Variants in NUP98 observed in about 807,000 individuals in gnomAD.
The protein encoded by NUP98 is nucleoporin 98 and 96 precursor, also known as nuclear pore complex protein Nup98-Nup96.
NUP98 carries 26 observed loss-of-function variants against 191.9 expected under a neutral mutation model. The observed-to-expected ratio is 0.14, with a 90% CI of 0.10 to 0.19. NUP98 has a LOEUF of 0.19. Ranked by LOEUF, NUP98 falls within the 10% of genes least tolerant of loss-of-function variation. The pLI is 1.00. For missense variants in NUP98, 1,941 were observed against 2,178.8 expected, an observed-to-expected ratio of 0.89 and a Z score of 2.17; for synonymous variants, 808 against 778.4, an observed-to-expected ratio of 1.04 and a Z score of -0.63.
intron 18 of NUP98, among the ~76,000 whole-genome samples, chr11:3,716,338 A>AT (rs78559016): frequency 8.1e-4 from 118 of 145,438 alleles, no homozygotes; most frequent in Middle Eastern, 3.5e-3. Flanking sequence ...CGATCAAATA[A>AT]TTTTTTTTTT....
chr11:3,797,288 C>T, intron 1 of NUP98, 112 bp downstream of exon 1: 3 of 397,176 alleles, frequency 7.6e-6, no homozygotes, highest in African/African-American at 2.1e-5. Context: ...GTGCGCGCAG[C>T]GGCGCTAGAC....
chr11:3,691,435 C>A lies in NUP98; in HGVS notation c.4366G>T (p.Gly1456Cys). ...TCCTCCGCTATCACACAGCCAGAAC[C>A]CTCCAGATACGAAGGAAGTGGGGAG... is the stretch of plus-strand genomic sequence containing the variant. Reference protein sequence around the residue: ...ACSPLPSYLEGSGCVIAEEQN... With the variant: ...ACSPLPSYLECSGCVIAEEQN... The change falls in exon 28 of 33, where the codon GGT becomes TGT. Residue 1456 changes from glycine to cysteine, a missense_variant. Transcript: ENST00000324932. 1 of 1,614,154 alleles carries A rather than the reference C, an allele frequency of 6.2e-7. No homozygotes were observed. Among genetic ancestry groups the A allele is most frequent in the East Asian group, 2.2e-5 (1 of 44,892 alleles).
rs1255319434 is a variant in NUP98 at position 3,739,225 on chromosome 11, A to G, written c.1409-3901T>C. Reference sequence around the variant, plus strand: ...ATGCTACCACCTTCTACTAAAACCAATAAAAAATGAGAAAAAAATAAAATT... The same window carrying G: ...ATGCTACCACCTTCTACTAAAACCAGTAAAAAATGAGAAAAAAATAAAATT... On this transcript the variant is annotated intron_variant, in intron 12 of 32. Coordinates refer to ENST00000324932, the MANE Select transcript of NUP98 (RefSeq NM_016320.5). 4.6e-5 allele frequency among the ~76,000 whole-genome samples: 7 copies of G among 152,308 alleles called. No homozygotes were observed. The East Asian group carries it at 1.2e-3, about 25-fold the overall frequency.
chr11:3,716,745 G>C (rs2079197836), intron 18 of NUP98, among the ~76,000 whole-genome samples: 3 of 151,760 alleles, frequency 2.0e-5, no homozygotes, highest in African/African-American at 7.3e-5. Flanking sequence ...TTTTATTTCT[G>C]GGCTCTCTAT....
chr11:3,757,966 TA>T (rs886594075), intron 10 of NUP98, among the ~76,000 whole-genome samples: 4 of 151,736 alleles, frequency 2.6e-5, no homozygotes, highest in Admixed American at 1.3e-4. Context: ...TCACACAACA[TA>T]AGCAGATACA....
At position 3,686,175 on chromosome 11, in the gene NUP98, G is replaced by T. The variant is rs2078127038; in HGVS notation, c.4474C>A (p.Leu1492Met). 1 of 1,614,116 alleles carries T rather than the reference G, an allele frequency of 6.2e-7. No individual in the cohort carries two copies. Among genetic ancestry groups the T allele is most frequent in the African/African-American group, 1.3e-5 (1 of 74,942 alleles). Residue 1492 changes from leucine (L) to methionine (M), a missense_variant, in exon 29 of 33, where the codon CTG becomes ATG. By Grantham distance (15) the Leu-to-Met change is conservative. Around this residue, in one of 6 missense-constraint regions of NUP98, gnomAD observed 1,030 missense variants for 1,115.8 expected, o/e 0.92. Coordinates refer to ENST00000324932, the MANE Select transcript of NUP98 (RefSeq NM_016320.5). Reference protein sequence around the residue: ...YSDRHYDLNQLLEPRSITADP... With the variant: ...YSDRHYDLNQMLEPRSITADP... ...GCTGTTATGCTTCGAGGCTCCAGCA[G>T]CTGGTTGAGATCATAATGTCTGCAA...
At chr11:3,687,331 G>T (rs899729506) in intron 28 of NUP98, among the ~76,000 whole-genome samples, 1 of 152,092 alleles carries the variant, frequency 6.6e-6, no homozygotes, top group Non-Finnish European at 1.5e-5. Flanking sequence ...CCCAATCTAT[G>T]GTTTACCTTT....
intron 14 of NUP98, among the ~76,000 whole-genome samples, chr11:3,727,723 A>G (rs191921896): frequency 0.069 from 10,559 of 152,172 alleles, 383 homozygotes; most frequent in Middle Eastern, 0.1. Context: ...ACGACTCTAC[A>G]GAAAATTTTT....
chr11:3,775,145 G>C (rs781284840), intron 5 of NUP98, among the ~76,000 whole-genome samples: 57 of 152,128 alleles, frequency 3.7e-4, no homozygotes, highest in Non-Finnish European at 6.9e-4. Flanking sequence ...GCCCCATTTA[G>C]CCATTTCATC....
intron 28 of NUP98, among the ~76,000 whole-genome samples, chr11:3,690,438 T>G (rs547501025): frequency 1.3e-5 from 2 of 152,100 alleles, no homozygotes; most frequent in South Asian, 4.2e-4. Flanking sequence ...TTTTTTGTAT[T>G]TTTAGTAGAG....
Position 3,695,505 on chromosome 11 carries a change from C to T in NUP98, c.4111G>A (p.Asp1371Asn), listed in dbSNP as rs1172627029. The change falls in exon 26 of 33, where the codon GAC becomes AAC. Residue 1371 changes from aspartate (D) to asparagine (N), a missense_variant. Asp to Asn is a conservative substitution (Grantham distance 23, BLOSUM62 1). Around this residue, in one of 6 missense-constraint regions of NUP98, gnomAD observed 1,030 missense variants for 1,115.8 expected, o/e 0.92. Transcript: ENST00000324932. ...AGTCTCTCATCCTGGATGAAGGAGT[C>T]TGCTTGGAGCTGATGCCAGTCCACC... ...QLVDWHQLQADSFIQDERLRI... is the reference protein window; with the variant it reads ...QLVDWHQLQANSFIQDERLRI... The T allele has an allele frequency of 1.9e-6, 3 of 1,610,200 alleles. No individual in the cohort carries two copies. The Admixed American group carries it at 5.0e-5, about 27-fold the overall frequency.
chr11:3,716,534 C>T (rs2079189609), intron 18 of NUP98, among the ~76,000 whole-genome samples: 1 of 151,484 alleles, frequency 6.6e-6, no homozygotes, highest in Admixed American at 6.6e-5. Flanking sequence ...CAAGGCAAAA[C>T]CTCATCTCTA....
chr11:3,788,514 C>T (rs1049064608), intron 1 of NUP98, among the ~76,000 whole-genome samples: 1 of 152,058 alleles, frequency 6.6e-6, no homozygotes, highest in African/African-American at 2.4e-5. Context: ...CTGCTTGAAC[C>T]TGGGAGGTGG....
intron 10 of NUP98, chr11:3,760,209 G>C (rs2081120116): frequency 3.4e-6 from 1 of 298,296 alleles, no homozygotes; most frequent in Non-Finnish European, 6.2e-6. Flanking sequence ...CCACAGGTTT[G>C]AAACCTGGCC....
intron 1 of NUP98, among the ~76,000 whole-genome samples, chr11:3,782,570 ATTTTTTTTTTTT>A (rs35916882): frequency 1.7e-5 from 2 of 117,466 alleles, no homozygotes; most frequent in Admixed American, 8.9e-5. Flanking sequence ...AAAAGCTAAC[ATTTTTTTTTTTT>A]TTTTTTTTTT....
At position 3,735,328 on chromosome 11, in the gene NUP98, T is replaced by TAAA; in HGVS notation, c.1409-5_1409-4insTTT. ...GAAGCATTTGGATCTGTCAAAGCTT[T>TAAA]TAAAAAAAAAAAAAGAAAACAAAAT... On this transcript the variant is annotated splice_region_variant and splice_polypyrimidine_tract_variant and intron_variant, in intron 12 of 32. Coordinates refer to ENST00000324932, the MANE Select transcript of NUP98 (RefSeq NM_016320.5). 1 of 1,445,884 alleles carries TAAA rather than the reference T, an allele frequency of 6.9e-7. No individual in the cohort carries two copies. Among genetic ancestry groups the TAAA allele is most frequent in the Non-Finnish European group, 9.1e-7 (1 of 1,101,856 alleles). 89.6% of individuals were successfully genotyped at this position (1,445,884 alleles called of 1,614,324 possible). A position where few individuals can be genotyped will look rare whatever the true frequency, so the allele number is the denominator to read the frequency against.
intron 2 of NUP98, among the ~76,000 whole-genome samples, chr11:3,779,471 G>A (rs866435598): frequency 3.3e-5 from 5 of 151,762 alleles, no homozygotes; most frequent in African/African-American, 7.3e-5. Context: ...GAGAAACCCC[G>A]TTTCTACTAA....
chr11:3,681,046 C>T (rs556521776), intron 30 of NUP98, among the ~76,000 whole-genome samples: 1 of 152,028 alleles, frequency 6.6e-6, no homozygotes, highest in South Asian at 2.1e-4. Flanking sequence ...GTTCCTCTCC[C>T]ACCATCCGCC....
At chr11:3,782,962 C>T (rs2082023913) in intron 1 of NUP98, among the ~76,000 whole-genome samples, 1 of 152,158 alleles carries the variant, frequency 6.6e-6, no homozygotes, top group South Asian at 2.1e-4. Context: ...ATGCATGCCC[C>T]GCCTTCTATC....
Sources: allele counts gnomAD v4.1 joint callset (sites outside exome capture counted in the v4.1 genomes callset), GRCh38; gene constraint gnomAD v4.1.1; regional missense constraint gnomAD v4.1.1; transcripts MANE v1.5; gene names NCBI Gene and HGNC (gene_info 2026-07-23, HGNC 2026-07-21).